TXK: variants seen among roughly 807,000 people sequenced by gnomAD.
The protein encoded by TXK is TXK tyrosine kinase.
Under a neutral mutation model 81.0 loss-of-function variants are expected in TXK, and 60 were observed. The ratio of observed to expected loss-of-function variants is 0.74; its 90% CI spans 0.60 to 0.92. TXK has a LOEUF of 0.92. Ranked by LOEUF, TXK falls within the 40% of genes least tolerant of loss-of-function variation. TXK has a pLI of 0.00. For missense variants in TXK, 581 were observed against 638.3 expected (o/e 0.91, Z 0.97); for synonymous variants, 203 against 210.7 (o/e 0.96, Z 0.32).
intron 10 of TXK, among the ~76,000 whole-genome samples, chr4:48,082,268 G>A (rs994514654): frequency 2.0e-5 from 3 of 152,160 alleles, no homozygotes; most frequent in Non-Finnish European, 2.9e-5. Flanking sequence ...TTCAGGCCAC[G>A]ATGGGAAGAG....
chr4:48,127,225 C>A (rs1719112446), intron 1 of TXK, among the ~76,000 whole-genome samples: 1 of 152,190 alleles, frequency 6.6e-6, no homozygotes, highest in African/African-American at 2.4e-5. Context: ...CCAAACAGCT[C>A]CCTGGTGTTC....
rs376162515 is a variant in TXK, at chr4:48,129,474, T to C, written c.16+4681A>G. 4.9e-4 allele frequency among the ~76,000 whole-genome samples: 74 copies of C among 151,942 alleles called. 1 individual carries two copies. In the South Asian group the frequency reaches 0.015, roughly 32 times the overall value. On this transcript the variant is annotated intron_variant, in intron 1 of 14. Coordinates refer to ENST00000264316, the MANE Select transcript of TXK (RefSeq NM_003328.3). ...AAACTGATCAATTTGAGTGGAAGAG[T>C]GGTGCTTGACCTGTCTATGGCCTGA...
chr4:48,117,825 G>A (rs1454592430), intron 1 of TXK, among the ~76,000 whole-genome samples: 1 of 152,212 alleles, frequency 6.6e-6, no homozygotes, highest in Non-Finnish European at 1.5e-5. Context: ...AGATGTGATA[G>A]TAATTGAGCC....
At chr4:48,112,800 T>C (rs1718677975) in intron 3 of TXK, among the ~76,000 whole-genome samples, 1 of 152,140 alleles carries the variant, frequency 6.6e-6, no homozygotes, top group East Asian at 1.9e-4. Context: ...TCCTCTTCAA[T>C]AGTTTTACCT....
intron 6 of TXK, among the ~76,000 whole-genome samples, chr4:48,103,601 G>GC (rs1412322530): frequency 1.3e-5 from 2 of 152,172 alleles, no homozygotes; most frequent in African/African-American, 4.8e-5. Flanking sequence ...CAACAGCAGA[G>GC]CAAAATGACA....
Position 48,094,284 on chromosome 4 carries a change from C to A in TXK, c.582-80G>T, listed in dbSNP as rs150728180. The A allele has an allele frequency of 1.3e-5, 20 of 1,518,216 alleles. No homozygotes were observed. In the East Asian group the frequency reaches 4.1e-4, roughly 31 times the overall value. The allele number at this position is 1,518,216 out of a possible 1,614,324, so 94.0% of individuals were successfully genotyped here. A position where few individuals can be genotyped will look rare whatever the true frequency, so the allele number is the denominator to read the frequency against. ...AGCCAACTCATTAAACAACAGGACT[C>A]CAGTTCTAAAACTCATCCTAGCAAC... On this transcript the variant is annotated intron_variant, in intron 7 of 14. Transcript: ENST00000264316.
intron 8 of TXK, among the ~76,000 whole-genome samples, chr4:48,090,630 A>T (rs1717728808): frequency 6.6e-6 from 1 of 152,216 alleles, no homozygotes; most frequent in Non-Finnish European, 1.5e-5. Context: ...GCTTTCAATA[A>T]AAGCTTTCAA....
intron 8 of TXK, 31 bp from the exon 9 acceptor site, chr4:48,089,855 C>G: frequency 6.7e-7 from 1 of 1,491,742 alleles, no homozygotes; most frequent in Non-Finnish European, 9.3e-7. Flanking sequence ...ATATTTCAAG[C>G]CTAGTTGCTA....
chr4:48,129,393 C>T (rs1239751338), intron 1 of TXK, among the ~76,000 whole-genome samples: 1 of 152,094 alleles, frequency 6.6e-6, no homozygotes, highest in African/African-American at 2.4e-5. Context: ...AGGATAACTA[C>T]TTTAGGGGAG....
rs1717934196 is a variant in TXK, at chr4:48,095,159, A to G, written c.565T>C (p.Phe189Leu). ...AGTGCTTACCTTCTAGCTCCCATAAATACGGAAATTGTGTAGGATCCTAAA... is the reference window on the plus strand; with the variant it reads ...AGTGCTTACCTTCTAGCTCCCATAAGTACGGAAATTGTGTAGGATCCTAAA... Reference protein sequence around the residue: ...RHLGSYTISVFMGARRSTEAA... With the variant: ...RHLGSYTISVLMGARRSTEAA... The change falls in exon 7 of 15, where the codon TTT (phenylalanine) becomes CTT (leucine). Residue 189 changes from phenylalanine to leucine, a missense_variant. Coordinates refer to ENST00000264316, the MANE Select transcript of TXK (RefSeq NM_003328.3). 1 of 1,613,410 alleles carries G rather than the reference A, an allele frequency of 6.2e-7. No individual in the cohort carries two copies. Among genetic ancestry groups the G allele is most frequent in the South Asian group, 1.1e-5 (1 of 91,068 alleles).
intron 1 of TXK, among the ~76,000 whole-genome samples, chr4:48,119,018 G>C (rs1332247232): frequency 6.6e-6 from 1 of 152,200 alleles, no homozygotes; most frequent in Non-Finnish European, 1.5e-5. Flanking sequence ...CAAGGACCAG[G>C]AGTGAGAGAG....
At chr4:48,076,677 G>A (rs1175604109) in intron 11 of TXK, among the ~76,000 whole-genome samples, 1 of 152,030 alleles carries the variant, frequency 6.6e-6, no homozygotes, top group Non-Finnish European at 1.5e-5. Context: ...TGCCCAGGCT[G>A]GAGTGCAATG....
At chr4:48,084,081 A>T (rs1717413885) in intron 10 of TXK, among the ~76,000 whole-genome samples, 1 of 152,118 alleles carries the variant, frequency 6.6e-6, no homozygotes, top group South Asian at 2.1e-4. Flanking sequence ...ACTTTTTTAG[A>T]AATCAGGGAT....
intron 3 of TXK, among the ~76,000 whole-genome samples, chr4:48,112,984 T>C (rs1339946068): frequency 1.3e-5 from 2 of 152,164 alleles, no homozygotes; most frequent in East Asian, 3.8e-4. Context: ...TTCCCACTCA[T>C]TGCCCATTTT....
chr4:48,099,386 G>A (rs1031193583), intron 6 of TXK, among the ~76,000 whole-genome samples: 2 of 151,986 alleles, frequency 1.3e-5, no homozygotes, highest in African/African-American at 4.8e-5. Flanking sequence ...TATACCTATG[G>A]TTATTTTTCC....
At chr4:48,075,388 C>T (rs556514968) in intron 12 of TXK, among the ~76,000 whole-genome samples, 1 of 152,188 alleles carries the variant, frequency 6.6e-6, no homozygotes, top group East Asian at 1.9e-4. Flanking sequence ...TGAGACTGCT[C>T]ACACCTGTAA....
intron 6 of TXK, among the ~76,000 whole-genome samples, chr4:48,104,595 T>TAG (rs1220835559): frequency 6.5e-5 from 1 of 15,370 alleles, no homozygotes; most frequent in Non-Finnish European, 1.4e-4. Flanking sequence ...TATATATATA[T>TAG]AGAGAGAGAG....
chr4:48,131,682 C>T (rs1719251114), intron 1 of TXK, among the ~76,000 whole-genome samples: 1 of 152,200 alleles, frequency 6.6e-6, no homozygotes, highest in African/African-American at 2.4e-5. Flanking sequence ...AAATATCCCG[C>T]CAATAGGTAG....
intron 4 of TXK, among the ~76,000 whole-genome samples, chr4:48,111,529 C>T (rs926402469): frequency 1.3e-5 from 2 of 152,172 alleles, no homozygotes; most frequent in Non-Finnish European, 2.9e-5. Context: ...CAATAGTATA[C>T]CCGCAGGTGT....
Sources: gnomAD v4.1 joint callset for allele counts (sites outside exome capture counted in the v4.1 genomes callset) on GRCh38, gnomAD v4.1.1 for gene constraint, MANE v1.5 for transcripts, NCBI Gene and HGNC (gene_info 2026-07-23, HGNC 2026-07-21) for gene names.